Variants in ADCY2 observed in about 807,000 individuals in gnomAD.
The protein encoded by ADCY2 is adenylate cyclase type 2.
A neutral mutation model predicts 125.2 loss-of-function variants in ADCY2; 31 were observed. The ratio of observed to expected loss-of-function variants is 0.25; its 90% confidence interval spans 0.19 to 0.33. The LOEUF (loss-of-function observed/expected upper bound fraction) is 0.33, where lower values mean the gene tolerates loss of function less well. ADCY2 is among the 10% of genes least tolerant of loss of function. The probability of loss-of-function intolerance (pLI) is 1.00; values close to 1 mark genes in which losing one functional copy is unlikely to be tolerated. For synonymous variants in ADCY2, 512 were observed against 548.4 expected (o/e 0.93, Z 0.93); for missense variants, 904 against 1,418.2 (o/e 0.64, Z 5.82).
chr5:7,638,186 A>G (rs1738573819), intron 4 of ADCY2, among the ~76,000 whole-genome samples: 1 of 152,192 alleles, frequency 6.6e-6, no homozygotes, highest in Admixed American at 6.5e-5. Context: ...TTGTTATCAT[A>G]TATTTTTTTG....
At chr5:7,518,996 G>C (rs1358509127) in intron 2 of ADCY2, among the ~76,000 whole-genome samples, 2 of 152,140 alleles carry the variant, frequency 1.3e-5, no homozygotes, top group Non-Finnish European at 2.9e-5. Flanking sequence ...AGGTCGGAGT[G>C]CCTTAATAAG....
At chr5:7,650,591 G>T (rs1018509431) in intron 4 of ADCY2, among the ~76,000 whole-genome samples, 19 of 152,254 alleles carry the variant, frequency 1.2e-4, no homozygotes, top group African/African-American at 4.6e-4. Flanking sequence ...CACTGCGTGG[G>T]AGCCTCTGTG....
intron 3 of ADCY2, among the ~76,000 whole-genome samples, chr5:7,608,601 G>T (rs1737466160): frequency 6.6e-6 from 1 of 152,096 alleles, no homozygotes; most frequent in East Asian, 1.9e-4. Flanking sequence ...AAAGATAAAT[G>T]CTTAAAGCAG....
At position 7,674,043 on chromosome 5, in the gene ADCY2, G is replaced by T. The variant is rs575890571; in HGVS notation, c.721-16648G>T. Among the ~76,000 whole-genome samples the T allele has an allele frequency of 3.4e-5, 5 of 148,044 alleles. No individual in the cohort carries two copies. The South Asian group carries it at 1.1e-3, about 33-fold the overall frequency. On this transcript the variant is annotated intron_variant, in intron 4 of 24. Transcript: ENST00000338316. ...GGCTGTTCCCTGGGTTTAGCCGCCCGCTGGCAGGGGCCTCAGAGGGTAGGG... is the reference window on the plus strand; with the variant it reads ...GGCTGTTCCCTGGGTTTAGCCGCCCTCTGGCAGGGGCCTCAGAGGGTAGGG...
At chr5:7,483,215 CCTAA>C (rs979592653) in intron 2 of ADCY2, among the ~76,000 whole-genome samples, 46 of 152,116 alleles carry the variant, frequency 3.0e-4, no homozygotes, top group African/African-American at 9.9e-4. Flanking sequence ...TAATAGATAT[CCTAA>C]CTATCCTGAT....
intron 11 of ADCY2, 75 bp downstream of exon 11, chr5:7,712,974 A>G: frequency 8.5e-7 from 1 of 1,175,140 alleles, no homozygotes; most frequent in Non-Finnish European, 1.3e-6. Context: ...ATCATCAATT[A>G]TGGTAATTTC....
At chr5:7,666,417 C>T (rs546970904) in intron 4 of ADCY2, among the ~76,000 whole-genome samples, 160 of 151,478 alleles carry the variant, frequency 1.1e-3, no homozygotes, top group African/African-American at 3.4e-3. Flanking sequence ...TACAGGCGCC[C>T]GCCACCACGC....
chr5:7,683,169 G>A (rs1421001632), intron 4 of ADCY2, among the ~76,000 whole-genome samples: 1 of 152,182 alleles, frequency 6.6e-6, no homozygotes, highest in Non-Finnish European at 1.5e-5. Context: ...GCCTTGCCAA[G>A]GCTCAACCTC....
At chr5:7,481,607 C>T (rs187555) in intron 2 of ADCY2, among the ~76,000 whole-genome samples, 96,051 of 152,032 alleles carry the variant, frequency 0.63, 30,693 homozygotes, top group African/African-American at 0.72. Flanking sequence ...GCCATTTGTA[C>T]ATCTTCTTTT....
intron 16 of ADCY2, among the ~76,000 whole-genome samples, chr5:7,765,919 A>C (rs1743360805): frequency 6.6e-6 from 1 of 152,146 alleles, no homozygotes; most frequent in African/African-American, 2.4e-5. Context: ...CAGCTTCTGT[A>C]GGACAGACAG....
At chr5:7,499,674 T>C (rs1051522448) in intron 2 of ADCY2, among the ~76,000 whole-genome samples, 5 of 142,764 alleles carry the variant, frequency 3.5e-5, no homozygotes, top group African/African-American at 1.0e-4. Context: ...TATATATATA[T>C]ATATATATGT....
At chr5:7,535,884 T>C (rs1003660119) in intron 3 of ADCY2, among the ~76,000 whole-genome samples, 1 of 152,234 alleles carries the variant, frequency 6.6e-6, no homozygotes, top group Non-Finnish European at 1.5e-5. Context: ...GCCCCCGCGA[T>C]GTTTGTCTCT....
chr5:7,606,554 A>G (rs761738855), intron 3 of ADCY2, among the ~76,000 whole-genome samples: 1 of 152,230 alleles, frequency 6.6e-6, no homozygotes, highest in Non-Finnish European at 1.5e-5. Flanking sequence ...TGCAACATTT[A>G]TTATTACTGA....
intron 4 of ADCY2, 133 bp downstream of exon 4, chr5:7,626,449 C>A (rs948345403): frequency 1.2e-5 from 12 of 1,021,652 alleles, no homozygotes; most frequent in Non-Finnish European, 8.4e-6. Flanking sequence ...GGGCTCTGCA[C>A]CTGGGGAGTG....
intron 3 of ADCY2, among the ~76,000 whole-genome samples, chr5:7,602,179 A>G (rs554826878): frequency 3.9e-5 from 6 of 152,304 alleles, no homozygotes; most frequent in Admixed American, 2.0e-4. Flanking sequence ...CAAAGGTACA[A>G]TTTTTTCCAA....
At chr5:7,417,926 C>T (rs1157818354) in intron 2 of ADCY2, among the ~76,000 whole-genome samples, 1 of 152,216 alleles carries the variant, frequency 6.6e-6, no homozygotes, top group Non-Finnish European at 1.5e-5. Context: ...TGTTCATTGA[C>T]AGATGACTGT....
At chr5:7,800,923 A>C (rs1744572500) in intron 20 of ADCY2, 1 of 152,218 alleles carries the variant, frequency 6.6e-6, no homozygotes, top group African/African-American at 2.4e-5. Context: ...ACAATTCTGC[A>C]CAAGAAACCA....
intron 4 of ADCY2, among the ~76,000 whole-genome samples, chr5:7,671,175 G>A (rs1258418928): frequency 6.6e-6 from 1 of 152,068 alleles, no homozygotes; most frequent in African/African-American, 2.4e-5. Context: ...TTCTTTATTT[G>A]TATAACAAGC....
chr5:7,461,876 T>G (rs373568327), intron 2 of ADCY2, among the ~76,000 whole-genome samples: 3 of 152,336 alleles, frequency 2.0e-5, no homozygotes, highest in African/African-American at 7.2e-5. Flanking sequence ...TCTGTTTAGA[T>G]CTCATATTTA....
Sources: gnomAD v4.1 joint callset for allele counts (sites outside exome capture counted in the v4.1 genomes callset) on GRCh38, gnomAD v4.1.1 for gene constraint, MANE v1.5 for transcripts, NCBI Gene and HGNC (gene_info 2026-07-23, HGNC 2026-07-21) for gene names.